PTPRG: variants seen among roughly 807,000 people sequenced by gnomAD.
PTPRG encodes the protein protein tyrosine phosphatase receptor type G.
In PTPRG, 102 loss-of-function variants were observed where a neutral mutation model predicts 165.3. The observed-to-expected ratio is 0.62, with a 90% CI of 0.53 to 0.73. The LOEUF (loss-of-function observed/expected upper bound fraction) is 0.73. Among genes scored for constraint, PTPRG ranks in the 30% least tolerant of loss-of-function variants. PTPRG has a pLI of 0.00. For synonymous variants in PTPRG, 675 were observed against 669.5 expected, an observed-to-expected ratio of 1.01 and a Z score of -0.13; for missense variants, 1,866 against 1,861.4, an observed-to-expected ratio of 1.00 and a Z score of -0.05.
At chr3:61,774,622 C>T (rs541646362) in intron 2 of PTPRG, among the ~76,000 whole-genome samples, 22 of 152,332 alleles carry the variant, frequency 1.4e-4, no homozygotes, top group Admixed American at 1.1e-3. Flanking sequence ...GTGTCTTGCA[C>T]ACTCTCTTGG....
intron 16 of PTPRG, among the ~76,000 whole-genome samples, chr3:62,259,913 G>C (rs1010767080): frequency 3.3e-5 from 5 of 152,114 alleles, no homozygotes; most frequent in Non-Finnish European, 7.4e-5. Context: ...GGGAAGGGTG[G>C]GGAAGATAAG....
chr3:61,735,602 G>T (rs913557412), intron 1 of PTPRG, among the ~76,000 whole-genome samples: 1 of 151,886 alleles, frequency 6.6e-6, no homozygotes, highest in East Asian at 1.9e-4. Flanking sequence ...CCGATGAGAG[G>T]CCTGTGTTTG....
At chr3:61,850,368 T>C (rs1276881104) in intron 2 of PTPRG, among the ~76,000 whole-genome samples, 2 of 152,178 alleles carry the variant, frequency 1.3e-5, no homozygotes, top group African/African-American at 4.8e-5. Context: ...TTTCCGCATG[T>C]TGGCCAGGCT....
At chr3:61,636,541 C>T (rs576329109) in intron 1 of PTPRG, among the ~76,000 whole-genome samples, 11 of 152,168 alleles carry the variant, frequency 7.2e-5, no homozygotes, top group East Asian at 3.9e-4. Flanking sequence ...AGGCTGGTCT[C>T]GAACTCCCGG....
Position 61,562,392 on chromosome 3 carries a change from G to C in PTPRG, c.85+20G>C. 1 of 1,611,708 alleles carries C rather than the reference G, an allele frequency of 6.2e-7. No individual in the cohort carries two copies. Among genetic ancestry groups the C allele is most frequent in the South Asian group, 1.1e-5 (1 of 91,042 alleles). ...TCCCCGGTGAGTGCCGGCCGCCGAG[G>C]GGATGCGGCCCCGGCCGGCGCGCGT... On this transcript the variant is annotated intron_variant, in intron 1 of 29. Transcript: ENST00000474889.
intron 1 of PTPRG, among the ~76,000 whole-genome samples, chr3:61,709,083 C>T (rs1447522859): frequency 6.6e-6 from 1 of 152,134 alleles, no homozygotes; most frequent in Non-Finnish European, 1.5e-5. Context: ...TGCTTTAATC[C>T]TTTTTGTGTT....
At chr3:61,922,723 C>G (rs1442078928) in intron 2 of PTPRG, among the ~76,000 whole-genome samples, 1 of 152,216 alleles carries the variant, frequency 6.6e-6, no homozygotes, top group Non-Finnish European at 1.5e-5. Context: ...TCACTGCAGC[C>G]TCGGCTTCCT....
At chr3:61,831,632 A>G (rs6804093) in intron 2 of PTPRG, among the ~76,000 whole-genome samples, 36,522 of 151,950 alleles carry the variant, frequency 0.24, 4,535 homozygotes, top group East Asian at 0.29. Flanking sequence ...TCTATCTACA[A>G]TTGTTTCTCA....
In PTPRG at chr3:61,713,561, A is replaced by ACCCTTC. The variant is rs1331293833; in HGVS notation, c.86-35307_86-35302dup. On this transcript the variant is annotated intron_variant, in intron 1 of 29. Transcript: ENST00000474889. ...TAGTAGAGAATGAGGCAGATAAAAT[A>ACCCTTC]CCCTTCCCCTTCCCCATGGACCTTA... Among the ~76,000 whole-genome samples, 5 of 152,226 alleles carry ACCCTTC rather than the reference A, an allele frequency of 3.3e-5. No homozygotes were observed. The East Asian group carries it at 5.8e-4, about 18-fold the overall frequency.
At chr3:61,714,485 G>C (rs114857786) in intron 1 of PTPRG, among the ~76,000 whole-genome samples, 1 of 152,224 alleles carries the variant, frequency 6.6e-6, no homozygotes, top group South Asian at 2.1e-4. Context: ...ACTATGTGCC[G>C]AAGATGGGAG....
intron 5 of PTPRG, among the ~76,000 whole-genome samples, chr3:62,084,318 T>G (rs1388934706): frequency 6.6e-6 from 1 of 152,258 alleles, no homozygotes; most frequent in Non-Finnish European, 1.5e-5. Flanking sequence ...GTTTCCTCAT[T>G]TAATGTTCTC....
At chr3:61,665,885 T>G (rs551804289) in intron 1 of PTPRG, among the ~76,000 whole-genome samples, 1 of 152,274 alleles carries the variant, frequency 6.6e-6, no homozygotes, top group African/African-American at 2.4e-5. Flanking sequence ...ACTCTTTTAG[T>G]TGGAATTTTA....
chr3:62,279,237 G>C (rs549229936), intron 26 of PTPRG, among the ~76,000 whole-genome samples: 1 of 151,956 alleles, frequency 6.6e-6, no homozygotes, highest in Non-Finnish European at 1.5e-5. Context: ...CACAAAGTAC[G>C]GATATAGATG....
intron 14 of PTPRG, among the ~76,000 whole-genome samples, chr3:62,239,570 A>G (rs748164934): frequency 9.9e-5 from 15 of 151,806 alleles, no homozygotes; most frequent in Non-Finnish European, 1.9e-4. Context: ...GGGTTTCACC[A>G]TCTTGGCCAG....
intron 2 of PTPRG, among the ~76,000 whole-genome samples, chr3:61,855,651 C>CTTTTT (rs35525843): frequency 8.3e-6 from 1 of 120,320 alleles, no homozygotes; most frequent in Non-Finnish European, 1.7e-5. Flanking sequence ...AAGGGTAGGC[C>CTTTTT]TTTTTTTTTT....
intron 1 of PTPRG, among the ~76,000 whole-genome samples, chr3:61,571,136 G>GTGCTTGAGCATTTTATA (rs1700045747): frequency 6.6e-6 from 1 of 152,118 alleles, no homozygotes; most frequent in Non-Finnish European, 1.5e-5. Flanking sequence ...TCTATGCCCC[G>GTGCTTGAGCATTTTATA]TGCTTGAGCA....
chr3:62,049,245 A>G (rs986637439), intron 4 of PTPRG, among the ~76,000 whole-genome samples: 1 of 152,102 alleles, frequency 6.6e-6, no homozygotes, highest in African/African-American at 2.4e-5. Context: ...CAGCATGTTC[A>G]CTGTTTTAAG....
chr3:61,659,228 C>G, intron 1 of PTPRG: 1 of 825,140 alleles, frequency 1.2e-6, no homozygotes, highest in Non-Finnish European at 1.5e-6. Context: ...TAGCCGTCAG[C>G]CTGAATAGAT....
At chr3:61,883,863 C>T (rs545111662) in intron 2 of PTPRG, among the ~76,000 whole-genome samples, 16 of 152,232 alleles carry the variant, frequency 1.1e-4, no homozygotes, top group African/African-American at 2.6e-4. Context: ...AGGCATGTAC[C>T]AGCATACCTA....
Sources: allele counts gnomAD v4.1 joint callset (sites outside exome capture counted in the v4.1 genomes callset), GRCh38; gene constraint gnomAD v4.1.1; transcripts MANE v1.5; gene names NCBI Gene and HGNC (gene_info 2026-07-23, HGNC 2026-07-21).